Variants in LIMCH1 observed in about 807,000 individuals in gnomAD.
LIMCH1 encodes LIM and calponin homology domains-containing protein 1.
Under a neutral mutation model 176.5 loss-of-function variants are expected in LIMCH1, and 113 were observed. That is an observed-to-expected ratio of 0.64 (90% confidence interval 0.55 to 0.75). The LOEUF (loss-of-function observed/expected upper bound fraction) is 0.75, where lower values mean the gene tolerates loss of function less well. Ranked by LOEUF, LIMCH1 falls within the 30% of genes least tolerant of loss-of-function variation. The pLI is 0.00. For missense variants in LIMCH1, 1,674 were observed against 1,814.9 expected (o/e 0.92, Z 1.41); for synonymous variants, 619 against 645.9 (o/e 0.96, Z 0.63).
rs545954072 is a variant in LIMCH1, at chr4:41,489,669, T to C, written c.97-4867T>C. Reference sequence around the variant, plus strand: ...CATATTTTGTATGAATTCTTTTTTTTATTTTTTTATTTTTTAAATTTATGT... The same window carrying C: ...CATATTTTGTATGAATTCTTTTTTTCATTTTTTTATTTTTTAAATTTATGT... On this transcript the variant is annotated intron_variant, in intron 1 of 26. Coordinates refer to the LIMCH1 transcript ENST00000313860. Among the ~76,000 whole-genome samples, 12 of 152,172 alleles carry C rather than the reference T, an allele frequency of 7.9e-5. No individual in the cohort carries two copies. The East Asian group carries it at 2.3e-3, about 29-fold the overall frequency.
intron 5 of LIMCH1, among the ~76,000 whole-genome samples, chr4:41,615,367 A>G (rs978893236): frequency 3.3e-5 from 5 of 152,192 alleles, no homozygotes; most frequent in African/African-American, 1.2e-4. Context: ...TACTAATATT[A>G]TACTAATATG....
chr4:41,452,262 G>C (rs2063977345), intron 1 of LIMCH1, among the ~76,000 whole-genome samples: 1 of 152,130 alleles, frequency 6.6e-6, no homozygotes, highest in Admixed American at 6.5e-5. Flanking sequence ...GTTTTTAACT[G>C]TTTCCAGCCC....
intron 1 of LIMCH1, among the ~76,000 whole-genome samples, chr4:41,574,060 C>T (rs929721100): frequency 3.9e-5 from 6 of 152,066 alleles, no homozygotes; most frequent in Admixed American, 2.6e-4. Flanking sequence ...AATGCAAACT[C>T]AGGCGGCAGG....
intron 7 of LIMCH1, among the ~76,000 whole-genome samples, chr4:41,626,293 T>C (rs1181422309): frequency 6.6e-6 from 1 of 152,176 alleles, no homozygotes; most frequent in African/African-American, 2.4e-5. Context: ...CCAGATCAGT[T>C]TCTTGGTGGC....
intron 7 of LIMCH1, among the ~76,000 whole-genome samples, 176 bp from the exon 8 acceptor site, chr4:41,626,532 T>C (rs555739237): frequency 6.6e-6 from 1 of 152,274 alleles, no homozygotes; most frequent in South Asian, 2.1e-4. Flanking sequence ...AATTCAAGGT[T>C]TTAAAACCCA....
At chr4:41,562,788 T>A (rs1454065019) in intron 1 of LIMCH1, among the ~76,000 whole-genome samples, 1 of 152,128 alleles carries the variant, frequency 6.6e-6, no homozygotes, top group African/African-American at 2.4e-5. Context: ...GGTATTTGGG[T>A]ATCTGCACCA....
At chr4:41,504,445 C>G (rs2073873219) in intron 2 of LIMCH1, among the ~76,000 whole-genome samples, 1 of 152,218 alleles carries the variant, frequency 6.6e-6, no homozygotes, top group African/African-American at 2.4e-5. Context: ...AGAACAATTC[C>G]TTTTTGCATC....
intron 1 of LIMCH1, among the ~76,000 whole-genome samples, chr4:41,467,534 C>A (rs902928367): frequency 1.3e-5 from 2 of 152,172 alleles, no homozygotes; most frequent in African/African-American, 2.4e-5. Flanking sequence ...ACCATCAGAT[C>A]TCGTGAGACT....
chr4:41,530,794 T>TAAAAAAAAAAAAAAAA (rs386399906), intron 3 of LIMCH1, among the ~76,000 whole-genome samples: 2 of 30,056 alleles, frequency 6.7e-5, no homozygotes, highest in Admixed American at 4.7e-4. Context: ...AAACCCCGCC[T>TAAAAAAAAAAAAAAAA]AAAAAAAAAA....
At chr4:41,627,058 G>T in intron 8 of LIMCH1, 48 bp downstream of exon 8, 1 of 1,379,924 alleles carries the variant, frequency 7.2e-7, no homozygotes, top group East Asian at 2.6e-5. Flanking sequence ...GTGTGTCTAT[G>T]AAAGAGACAC....
At chr4:41,438,084 C>CA (rs904184232) in intron 1 of LIMCH1, among the ~76,000 whole-genome samples, 1 of 151,616 alleles carries the variant, frequency 6.6e-6, no homozygotes, top group Non-Finnish European at 1.5e-5. Flanking sequence ...AATCAGCTAC[C>CA]TTTTTTTTTC....
chr4:41,681,048 A>G lies in LIMCH1; in HGVS notation c.3706A>G (p.Ser1236Gly), dbSNP rs753765174. 8 of 1,604,590 alleles carry G rather than the reference A, an allele frequency of 5.0e-6. No individual in the cohort carries two copies. The highest frequency in any genetic ancestry group is 6.0e-6 in the Non-Finnish European group (7 of 1,171,834). ...TACCTCTTCCTCCATGACTGAAGGC[A>G]GTGGGACAATGGTGAGACCACAGAT... is the stretch of plus-strand genomic sequence containing the variant. Reference protein sequence around the residue: ...LSTSSSMTEGSGTMNKIDLGN... With the variant: ...LSTSSSMTEGGGTMNKIDLGN... The change falls in exon 25 of 32, where the codon AGT (serine) becomes GGT (glycine). Residue 1236 changes from serine to glycine, a missense_variant. Transcript: ENST00000503057.
intron 18 of LIMCH1, among the ~76,000 whole-genome samples, chr4:41,654,195 A>G (rs570937981): frequency 2.6e-5 from 4 of 152,320 alleles, no homozygotes; most frequent in African/African-American, 9.6e-5. Flanking sequence ...CAAAGGCAAT[A>G]TATGTTAAAT....
chr4:41,629,816 T>A, intron 9 of LIMCH1, 82 bp downstream of exon 9: 5 of 315,448 alleles, frequency 1.6e-5, no homozygotes, highest in Non-Finnish European at 2.2e-5. Flanking sequence ...TCTTTGTGTC[T>A]TTTTTTTTTT....
At chr4:41,388,496 A>T (rs957567973) in intron 1 of LIMCH1, among the ~76,000 whole-genome samples, 8 of 152,262 alleles carry the variant, frequency 5.3e-5, no homozygotes, top group Non-Finnish European at 1.2e-4. Flanking sequence ...TTAACTGCTC[A>T]TGGGCAGGAG....
intron 1 of LIMCH1, among the ~76,000 whole-genome samples, chr4:41,465,096 A>G (rs183351445): frequency 2.6e-4 from 40 of 152,276 alleles, no homozygotes; most frequent in African/African-American, 9.6e-4. Context: ...CATTCCTAGG[A>G]GCCCAGAACT....
intron 28 of LIMCH1, 64 bp downstream of exon 28, chr4:41,685,894 A>G (rs2304652): frequency 0.28 from 428,840 of 1,549,620 alleles, 61,486 homozygotes; most frequent in African/African-American, 0.43. Context: ...GTTAGAAGGG[A>G]GAAGAATGAA....
chr4:41,409,335 A>G (rs535687083), intron 1 of LIMCH1, among the ~76,000 whole-genome samples: 36 of 152,292 alleles, frequency 2.4e-4, no homozygotes, highest in Middle Eastern at 3.4e-3. Flanking sequence ...TATTCAGCCA[A>G]AAAGCATTTA....
At chr4:41,508,190 T>C (rs2074412128) in intron 2 of LIMCH1, among the ~76,000 whole-genome samples, 1 of 152,088 alleles carries the variant, frequency 6.6e-6, no homozygotes, top group African/African-American at 2.4e-5. Context: ...GGCAAGATTG[T>C]GCAGGGCCTT....
Sources: allele counts gnomAD v4.1 joint callset (sites outside exome capture counted in the v4.1 genomes callset), GRCh38; gene constraint gnomAD v4.1.1; transcripts MANE v1.5; gene names NCBI Gene and HGNC (gene_info 2026-07-23, HGNC 2026-07-21).